Variants in GRIA4 observed in about 807,000 individuals in gnomAD.
GRIA4 encodes the protein glutamate ionotropic receptor AMPA type subunit 4, also known as glutamate receptor 4.
Under a neutral mutation model 104.0 loss-of-function variants are expected in GRIA4, and 34 were observed. That is an observed-to-expected ratio of 0.33 (90% CI 0.25 to 0.44). The LOEUF is 0.44. Among genes scored for constraint, GRIA4 ranks in the 20% least tolerant of loss-of-function variants. GRIA4 has a pLI of 1.00. For synonymous variants in GRIA4, 386 were observed against 381.9 expected (o/e 1.01, Z -0.13); for missense variants, 750 against 1,096.5 (o/e 0.68, Z 4.46).
intron 14 of GRIA4, 89 bp downstream of exon 14, chr11:105,934,058 G>A (rs1378717421): frequency 9.3e-7 from 1 of 1,072,506 alleles, no homozygotes; most frequent in African/African-American, 1.6e-5. Context: ...TGTTTTGTGT[G>A]TGAACATGGT....
intron 4 of GRIA4, among the ~76,000 whole-genome samples, chr11:105,849,400 T>A (rs998910915): frequency 6.6e-6 from 1 of 152,176 alleles, no homozygotes; most frequent in Non-Finnish European, 1.5e-5. Flanking sequence ...AGCTCAGTTC[T>A]GAAGGAGACA....
chr11:105,908,614 C>CAAAAAAA (rs3060300), intron 9 of GRIA4, among the ~76,000 whole-genome samples: 1 of 148,066 alleles, frequency 6.8e-6, no homozygotes. Context: ...GGTATAAGGC[C>CAAAAAAA]AAAAAAAAAA....
At chr11:105,806,190 G>A (rs904591850) in intron 4 of GRIA4, among the ~76,000 whole-genome samples, 2 of 151,748 alleles carry the variant, frequency 1.3e-5, no homozygotes, top group African/African-American at 4.8e-5. Flanking sequence ...CCTACAAAAT[G>A]ACAATAAAAA....
chr11:105,974,580 G>GT (rs1348143982), intron 16 of GRIA4, 136 bp downstream of exon 16: 2 of 1,604,846 alleles, frequency 1.2e-6, no homozygotes, highest in African/African-American at 2.7e-5. Context: ...CCCGACTACA[G>GT]TGAGTGGGGG....
chr11:105,728,435 G>A (rs1328973296), intron 3 of GRIA4, among the ~76,000 whole-genome samples: 4 of 152,104 alleles, frequency 2.6e-5, no homozygotes, highest in Non-Finnish European at 4.4e-5. Context: ...GTCAATATTA[G>A]ATAGATGAAC....
chr11:105,720,555 G>A (rs1937729143), intron 3 of GRIA4, among the ~76,000 whole-genome samples: 1 of 152,212 alleles, frequency 6.6e-6, no homozygotes, highest in South Asian at 2.1e-4. Context: ...CGCAATTTAT[G>A]ATGCCATTAA....
intron 6 of GRIA4, among the ~76,000 whole-genome samples, chr11:105,895,805 C>G (rs1162421457): frequency 6.6e-6 from 1 of 152,130 alleles, no homozygotes; most frequent in Non-Finnish European, 1.5e-5. Flanking sequence ...ATCTTGTGCT[C>G]TTCTCTTGGA....
intron 3 of GRIA4, among the ~76,000 whole-genome samples, chr11:105,717,903 C>T (rs1392395129): frequency 7.5e-6 from 1 of 133,168 alleles, no homozygotes; most frequent in Non-Finnish European, 1.6e-5. Context: ...TACTATGCAG[C>T]CATAAAAAAT....
intron 4 of GRIA4, among the ~76,000 whole-genome samples, chr11:105,816,062 A>G (rs760314906): frequency 1.3e-5 from 2 of 152,182 alleles, no homozygotes; most frequent in African/African-American, 4.8e-5. Flanking sequence ...GCAGCACAGT[A>G]TAATAAGAAC....
At chr11:105,897,750 G>A (rs892888687) in intron 6 of GRIA4, among the ~76,000 whole-genome samples, 16 of 152,136 alleles carry the variant, frequency 1.1e-4, no homozygotes, top group African/African-American at 3.9e-4. Context: ...TGCATCCCTG[G>A]AATAAAACCT....
chr11:105,961,368 A>G (rs1948740311), intron 14 of GRIA4, among the ~76,000 whole-genome samples: 1 of 152,150 alleles, frequency 6.6e-6, no homozygotes, highest in Non-Finnish European at 1.5e-5. Context: ...TCTTATTTTT[A>G]CACAATTTCT....
At chr11:105,830,136 G>A (rs895302540) in intron 4 of GRIA4, among the ~76,000 whole-genome samples, 9 of 151,862 alleles carry the variant, frequency 5.9e-5, no homozygotes, top group Non-Finnish European at 1.2e-4. Flanking sequence ...TGACAATTAC[G>A]CCATTCTGTA....
At chr11:105,718,230 A>C (rs1335365718) in intron 3 of GRIA4, among the ~76,000 whole-genome samples, 1 of 152,194 alleles carries the variant, frequency 6.6e-6, no homozygotes, top group Non-Finnish European at 1.5e-5. Context: ...TGGTCACACA[A>C]GTATATAGAC....
intron 3 of GRIA4, among the ~76,000 whole-genome samples, chr11:105,750,107 A>T (rs949214338): frequency 6.6e-6 from 1 of 152,186 alleles, no homozygotes; most frequent in Non-Finnish European, 1.5e-5. Context: ...AATAGATGTC[A>T]TAAGATTCAG....
chr11:105,698,319 C>T (rs1328476588), intron 3 of GRIA4, among the ~76,000 whole-genome samples: 2 of 152,030 alleles, frequency 1.3e-5, no homozygotes, highest in African/African-American at 4.8e-5. Context: ...CATAATACTG[C>T]CTAAAGTAGG....
intron 4 of GRIA4, among the ~76,000 whole-genome samples, chr11:105,837,456 A>G (rs1258684021): frequency 6.6e-6 from 1 of 152,176 alleles, no homozygotes; most frequent in Admixed American, 6.6e-5. Flanking sequence ...ATTACTGAAG[A>G]AAGAATAAGG....
intron 14 of GRIA4, among the ~76,000 whole-genome samples, chr11:105,962,790 T>C (rs573189938): frequency 2.0e-5 from 3 of 152,316 alleles, no homozygotes; most frequent in South Asian, 4.1e-4. Flanking sequence ...TGGTCCCTTA[T>C]TGCTTTTTCC....
chr11:105,841,303 A>T (rs1944386864), intron 4 of GRIA4, among the ~76,000 whole-genome samples: 1 of 152,080 alleles, frequency 6.6e-6, no homozygotes, highest in Admixed American at 6.5e-5. Flanking sequence ...TATCCTCATC[A>T]CTTTTTCTTA....
At chr11:105,634,608 A>G (rs1181500212) in intron 3 of GRIA4, among the ~76,000 whole-genome samples, 4 of 152,196 alleles carry the variant, frequency 2.6e-5, no homozygotes, top group Admixed American at 1.3e-4. Flanking sequence ...AGCTATTCCT[A>G]TGAATACTTT....
Sources: gnomAD v4.1 joint callset for allele counts (sites outside exome capture counted in the v4.1 genomes callset) on GRCh38, gnomAD v4.1.1 for gene constraint, MANE v1.5 for transcripts, NCBI Gene and HGNC (gene_info 2026-07-23, HGNC 2026-07-21) for gene names.